RBFOX1: variants seen among roughly 807,000 people sequenced by gnomAD.
The protein encoded by RBFOX1 is RNA binding protein fox-1 homolog 1.
Under a neutral mutation model 57.7 loss-of-function variants are expected in RBFOX1, and 8 were observed. The ratio of observed to expected loss-of-function variants is 0.14; its 90% CI spans 0.08 to 0.25. The LOEUF is 0.25. RBFOX1 is among the 10% of genes least tolerant of loss of function. The pLI is 1.00. For missense variants in RBFOX1, 611 were observed against 548.5 expected (o/e 1.11, Z -1.14); for synonymous variants, 326 against 222.4 (o/e 1.47, Z -4.15).
chr16:6,249,822 T>C (rs538203893), intron 1 of RBFOX1, among the ~76,000 whole-genome samples: 30 of 150,252 alleles, frequency 2.0e-4, no homozygotes, highest in African/African-American at 7.3e-4. Flanking sequence ...GTGTGCACAA[T>C]GTGCAGGTTA....
chr16:6,816,032 C>A (rs1454535696), intron 3 of RBFOX1, among the ~76,000 whole-genome samples: 1 of 152,066 alleles, frequency 6.6e-6, no homozygotes, highest in Non-Finnish European at 1.5e-5. Flanking sequence ...AATAATCGGC[C>A]AGGAGCAATG....
In RBFOX1 at chr16:7,232,199, T is replaced by C. The variant is rs1354582867; in HGVS notation, c.27+180101T>C. 2.1e-4 allele frequency among the ~76,000 whole-genome samples: 32 copies of C among 152,136 alleles called. 1 individual carries two copies. The highest frequency in any genetic ancestry group is 2.1e-3 in the Admixed American group (32 of 15,276). ...CCACCAGGCCCAACTAATTTTTGTATTTTTATGAGAGACGGGGTTTCACCA... is the reference window on the plus strand; with the variant it reads ...CCACCAGGCCCAACTAATTTTTGTACTTTTATGAGAGACGGGGTTTCACCA... On this transcript the variant is annotated intron_variant, in intron 4 of 15. Coordinates refer to ENST00000550418, the MANE Select transcript of RBFOX1 (RefSeq NM_018723.4).
At chr16:7,261,501 G>A (rs781095791) in intron 4 of RBFOX1, among the ~76,000 whole-genome samples, 17 of 152,072 alleles carry the variant, frequency 1.1e-4, no homozygotes, top group Non-Finnish European at 1.8e-4. Context: ...CTGCCAAAGG[G>A]AACACTTGAT....
intron 3 of RBFOX1, among the ~76,000 whole-genome samples, chr16:7,014,877 A>G (rs1178007247): frequency 6.6e-6 from 1 of 151,990 alleles, no homozygotes; most frequent in Non-Finnish European, 1.5e-5. Context: ...GGCATGTGCC[A>G]CCACACCCGG....
intron 4 of RBFOX1, among the ~76,000 whole-genome samples, chr16:7,408,271 G>A (rs1364464681): frequency 1.3e-5 from 2 of 152,154 alleles, no homozygotes; most frequent in African/African-American, 4.8e-5. Flanking sequence ...TATGTTTAGT[G>A]AGATAAATTG....
chr16:5,523,386 G>A (rs1015186635), intron 2 of RBFOX1, among the ~76,000 whole-genome samples: 34 of 152,130 alleles, frequency 2.2e-4, no homozygotes, highest in African/African-American at 1.7e-4. Flanking sequence ...AGGCTGAGGC[G>A]GTTGGATCAC....
intron 1 of RBFOX1, among the ~76,000 whole-genome samples, chr16:6,020,812 G>A (rs1475094107): frequency 6.6e-6 from 1 of 152,208 alleles, no homozygotes; most frequent in East Asian, 1.9e-4. Flanking sequence ...TTGGCTGTGA[G>A]CTCCTGGAGC....
chr16:5,470,497 A>T (rs1285743558), intron 2 of RBFOX1, among the ~76,000 whole-genome samples: 1 of 151,662 alleles, frequency 6.6e-6, no homozygotes, highest in South Asian at 2.1e-4. Flanking sequence ...GTCTCTCTCA[A>T]TCTCTATTTA....
chr16:7,138,064 TGAAGCAATGTTTGGA>T (rs1050099638), intron 4 of RBFOX1, among the ~76,000 whole-genome samples: 2 of 152,166 alleles, frequency 1.3e-5, no homozygotes, highest in Non-Finnish European at 2.9e-5. Flanking sequence ...ATCTTAAGAA[TGAAGCAATGTTTGGA>T]GAGAATGGTG....
At chr16:6,348,149 GT>G (rs1390487378) in intron 2 of RBFOX1, among the ~76,000 whole-genome samples, 1 of 152,148 alleles carries the variant, frequency 6.6e-6, no homozygotes, top group East Asian at 1.9e-4. Flanking sequence ...TTTGCTCTTG[GT>G]TTTGAGCACT....
chr16:6,304,778 A>G (rs190369092), intron 1 of RBFOX1, among the ~76,000 whole-genome samples: 60 of 149,248 alleles, frequency 4.0e-4, no homozygotes, highest in African/African-American at 1.2e-3. Flanking sequence ...CCAGCTACTC[A>G]GGAGGCTGAG....
intron 2 of RBFOX1, among the ~76,000 whole-genome samples, chr16:6,439,331 C>T (rs185211527): frequency 3.0e-4 from 46 of 152,288 alleles, no homozygotes; most frequent in East Asian, 1.2e-3. Flanking sequence ...ATTGTCAGGA[C>T]GGCCAACCTC....
intron 4 of RBFOX1, among the ~76,000 whole-genome samples, chr16:7,367,277 A>G (rs551982820): frequency 6.6e-6 from 1 of 152,160 alleles, no homozygotes. Context: ...CTGTTTTGAG[A>G]TAAAGAGTGC....
At chr16:6,124,431 A>G (rs2096574123) in intron 1 of RBFOX1, among the ~76,000 whole-genome samples, 1 of 152,140 alleles carries the variant, frequency 6.6e-6, no homozygotes, top group Non-Finnish European at 1.5e-5. Context: ...GATGACCCCT[A>G]GGGATTGACC....
At chr16:5,867,232 T>G in intron 3 of RBFOX1, 1 of 1,084,810 alleles carries the variant, frequency 9.2e-7, no homozygotes, top group South Asian at 4.7e-5. Context: ...GCCAGTTCCT[T>G]TAAAAAGACA....
intron 4 of RBFOX1, among the ~76,000 whole-genome samples, chr16:7,330,490 G>T (rs2096671956): frequency 8.2e-6 from 1 of 122,146 alleles, no homozygotes; most frequent in African/African-American, 3.9e-5. Context: ...GTGTGTGTGT[G>T]TGTGTGTGTG....
At chr16:7,555,775 A>T (rs528395270) in intron 5 of RBFOX1, among the ~76,000 whole-genome samples, 3 of 152,064 alleles carry the variant, frequency 2.0e-5, no homozygotes, top group South Asian at 4.2e-4. Context: ...TTGTGATTCA[A>T]ATGTCACCTT....
chr16:7,574,903 G>A (rs1238177084), intron 5 of RBFOX1, among the ~76,000 whole-genome samples: 1 of 152,210 alleles, frequency 6.6e-6, no homozygotes, highest in African/African-American at 2.4e-5. Flanking sequence ...GCTGCCTGAA[G>A]TGGTGGAGGA....
intron 4 of RBFOX1, among the ~76,000 whole-genome samples, chr16:7,503,000 G>T (rs1195957957): frequency 6.6e-6 from 1 of 152,044 alleles, no homozygotes; most frequent in Non-Finnish European, 1.5e-5. Flanking sequence ...TCCAGCCTGG[G>T]TGACAGAGCA....
Sources: gnomAD v4.1 joint callset for allele counts (sites outside exome capture counted in the v4.1 genomes callset) on GRCh38, gnomAD v4.1.1 for gene constraint, MANE v1.5 for transcripts, NCBI Gene and HGNC (gene_info 2026-07-23, HGNC 2026-07-21) for gene names.